Variants in HUWE1 observed in about 807,000 individuals in gnomAD.
The protein encoded by HUWE1 is E3 ubiquitin-protein ligase HUWE1.
HUWE1 carries 18 observed loss-of-function variants against 299.4 expected under a neutral mutation model. The ratio of observed to expected loss-of-function variants is 0.06; its 90% CI spans 0.04 to 0.09. HUWE1 has a LOEUF of 0.09. Ranked by LOEUF, HUWE1 falls within the 10% of genes least tolerant of loss-of-function variation. The probability of loss-of-function intolerance (pLI) is 1.00; values close to 1 mark genes in which losing one functional copy is unlikely to be tolerated. For missense variants in HUWE1, 1,832 were observed against 3,462.3 expected, an observed-to-expected ratio of 0.53 and a Z score of 11.82; for synonymous variants, 1,317 against 1,286.1, an observed-to-expected ratio of 1.02 and a Z score of -0.51.
chrX:53,532,911 GAACA>G lies in HUWE1; in HGVS notation c.*394_*397del, dbSNP rs1472300523. The G allele has an allele frequency of 9.0e-6, 1 of 110,837 alleles. No individual in the cohort carries two copies. The highest frequency in any genetic ancestry group is 2.8e-4 in the East Asian group (1 of 3,612). 9.1% of individuals were successfully genotyped at this position (110,837 alleles called of 1,213,427 possible). ...AAGCACAAATTAAGAAATGCAAACA[GAACA>G]AAAAAATATATATATATATAATTTT... is the stretch of plus-strand genomic sequence containing the variant. On this transcript the variant is annotated 3_prime_UTR_variant, in exon 84 of 84. Transcript: ENST00000262854.
At chrX:53,624,768 C>A in intron 18 of HUWE1, 93 bp from the exon 19 acceptor site, 1 of 626,409 alleles carries the variant, frequency 1.6e-6, no homozygotes, top group Non-Finnish European at 2.7e-6. Flanking sequence ...TATTATCACA[C>A]TGTGGTCCTC....
chrX:53,580,621 C>T (rs1428872631), intron 43 of HUWE1, among the ~76,000 whole-genome samples: 3 of 112,235 alleles, frequency 2.7e-5, no homozygotes, highest in African/African-American at 9.7e-5. Context: ...AATGAGTCCT[C>T]AGTGTCTCTG....
chrX:53,625,230 T>C lies in HUWE1; in HGVS notation c.1518A>G (p.Ala506=). The C allele has an allele frequency of 8.3e-7, 1 of 1,201,926 alleles. No homozygotes were observed. Among genetic ancestry groups the C allele is most frequent in the Non-Finnish European group, 1.1e-6 (1 of 886,479 alleles). ...DGVQCIPQRA[A]LLKSMLNFLK... ...GGAAATTCAACATGGATTTCAGAAG[T>C]GCTGCTCGTTGTGGAATACACTGGA... is the stretch of plus-strand genomic sequence containing the variant. Residue 506 remains alanine (A), a synonymous_variant, in exon 18 of 84, where the codon GCA becomes GCG. Coordinates refer to ENST00000262854, the MANE Select transcript of HUWE1 (RefSeq NM_031407.7).
chrX:53,563,140 T>C lies in HUWE1; in HGVS notation c.7106-211A>G, dbSNP rs782781584. The stretch of plus-strand genomic sequence containing the variant: ...CAGTTTCCTCATCTGTAAAACAGGA[T>C]GATCACATCTGCCCTGCCAATCCCA... On this transcript the variant is annotated intron_variant, in intron 52 of 83. Coordinates refer to ENST00000262854, the MANE Select transcript of HUWE1 (RefSeq NM_031407.7). 5.3e-5 allele frequency among the ~76,000 whole-genome samples: 6 copies of C among 112,456 alleles called. No homozygotes were observed. In the South Asian group the frequency reaches 1.5e-3, roughly 28 times the overall value.
At chrX:53,631,790 T>TTC in intron 9 of HUWE1, 176 bp from the exon 10 acceptor site, 3 of 446,604 alleles carry the variant, frequency 6.7e-6, no homozygotes, top group Non-Finnish European at 1.2e-5. Flanking sequence ...CCATCTTATA[T>TTC]GTAGAATATT....
intron 23 of HUWE1, among the ~76,000 whole-genome samples, chrX:53,609,552 G>A (rs782707814): frequency 1.8e-5 from 2 of 112,426 alleles, no homozygotes; most frequent in East Asian, 2.8e-4. Flanking sequence ...CAGGTCTTTT[G>A]TCTTTTCAGT....
chrX:53,650,435 G>A lies in HUWE1; in HGVS notation c.46-2125C>T, dbSNP rs979866085. ...ACTCTCTGGCACAAATATGTCTGAG[G>A]CATCTAAGGTGTGCTTGTGTTTTCT... On this transcript the variant is annotated intron_variant, in intron 4 of 83. Coordinates refer to ENST00000262854, the MANE Select transcript of HUWE1 (RefSeq NM_031407.7). Among the ~76,000 whole-genome samples the A allele has an allele frequency of 4.5e-5, 5 of 112,027 alleles. No homozygotes were observed. In the South Asian group the frequency reaches 1.5e-3, roughly 33 times the overall value.
At chrX:53,652,280 T>C (rs1405175984) in intron 4 of HUWE1, among the ~76,000 whole-genome samples, 3 of 112,108 alleles carry the variant, frequency 2.7e-5, no homozygotes, top group African/African-American at 9.7e-5. Context: ...AACATTCACC[T>C]ACATGTTCTA....
At chrX:53,655,167 T>C (rs1197434132) in intron 3 of HUWE1, among the ~76,000 whole-genome samples, 1 of 110,950 alleles carries the variant, frequency 9.0e-6, no homozygotes, top group East Asian at 2.8e-4. Context: ...TTGCAGGCTC[T>C]TTACACACAA....
chrX:53,674,814 C>T (rs1426718837), intron 3 of HUWE1, among the ~76,000 whole-genome samples: 1 of 111,761 alleles, frequency 8.9e-6, no homozygotes, highest in East Asian at 2.8e-4. Flanking sequence ...GCAATGACTA[C>T]GTCCTCAATA....
At chrX:53,537,163 G>A in intron 78 of HUWE1, 2 of 244,647 alleles carry the variant, frequency 8.2e-6, no homozygotes, top group Non-Finnish European at 7.4e-6. Context: ...CAGCTCCTAC[G>A]CTCAGTATTA....
Position 53,584,996 on chromosome X carries a change from G to T in HUWE1, c.5001+16C>A. ...GTGGTCCACGGGTTAGACAAGCTTG[G>T]TGAGTGAGCATGTACCTGCACCATT... On this transcript the variant is annotated intron_variant, in intron 40 of 83. Transcript: ENST00000262854. 8.3e-7 allele frequency: 1 copy of T among 1,210,935 alleles called. No individual in the cohort carries two copies. The highest frequency in any genetic ancestry group is 1.1e-6 in the Non-Finnish European group (1 of 894,720).
intron 55 of HUWE1, 104 bp downstream of exon 55, chrX:53,561,652 G>A: frequency 1.8e-6 from 2 of 1,123,842 alleles, no homozygotes; most frequent in South Asian, 3.8e-5. Flanking sequence ...CATAGGAAAA[G>A]AAGTGCTGTC....
In HUWE1 at chrX:53,628,579, G is replaced by C. The variant is rs368499515; in HGVS notation, c.1156C>G (p.Leu386Val). Residue 386 changes from leucine (L) to valine (V), a missense_variant, in exon 15 of 84, where the codon CTC becomes GTC. Physicochemically the swap from Leu to Val is conservative, Grantham distance 32. Around this residue, in one of 15 missense-constraint regions of HUWE1, gnomAD observed 658 missense variants for 1,282.6 expected, o/e 0.51. Transcript: ENST00000262854. Reference protein sequence around the residue: ...DPYPHQFATALFSFLYHLASY... With the variant: ...DPYPHQFATAVFSFLYHLASY... ...GCCAGATGGTATAAAAAAGAGAAGA[G>C]AGCAGTGGCAAACTGGTGAGGGTAT... 1 of 1,166,557 alleles carries C rather than the reference G, an allele frequency of 8.6e-7. No individual in the cohort carries two copies. Among genetic ancestry groups the C allele is most frequent in the Non-Finnish European group, 1.1e-6 (1 of 871,870 alleles).
chrX:53,561,816 C>T lies in HUWE1; in HGVS notation c.7447G>A (p.Glu2483Lys). The stretch of plus-strand genomic sequence containing the variant: ...AGATCATCCTCCCGGTCAAAGCGCT[C>T]AAATCGGACCAAGGGAGAAGCGTTC... ...DMNASPLVRF[E>K]RFDREDDLII... is the part of the protein sequence containing the mutation. The change falls in exon 55 of 84, where the codon GAG (glutamate) becomes AAG (lysine). Residue 2483 changes from glutamate to lysine, a missense_variant. By Grantham distance (56) the Glu-to-Lys change is moderately conservative (BLOSUM62 1). Transcript: ENST00000262854. The T allele has an allele frequency of 8.3e-7, 1 of 1,211,475 alleles. No individual in the cohort carries two copies. Among genetic ancestry groups the T allele is most frequent in the Non-Finnish European group, 1.1e-6 (1 of 895,445 alleles).
At chrX:53,625,908 G>A (rs1557017366) in intron 17 of HUWE1, 2 of 358,279 alleles carry the variant, frequency 5.6e-6, no homozygotes, top group Non-Finnish European at 1.1e-5. Flanking sequence ...GCCGGGACTG[G>A]GACCAGGGCT....
intron 23 of HUWE1, among the ~76,000 whole-genome samples, chrX:53,610,805 A>G (rs782104525): frequency 2.4e-4 from 27 of 111,644 alleles, no homozygotes; most frequent in Admixed American, 2.0e-3. Context: ...TTCAAGTTCT[A>G]AAGATGACAA....
chrX:53,556,090 G>A lies in HUWE1; in HGVS notation c.8207-1170C>T, dbSNP rs1556934416. 3 of 284,585 alleles carry A rather than the reference G, an allele frequency of 1.1e-5. No individual in the cohort carries two copies. In the Admixed American group the frequency reaches 1.4e-4, roughly 14 times the overall value. 23.5% of individuals were successfully genotyped at this position (284,585 alleles called of 1,213,427 possible). A position where few individuals can be genotyped will look rare whatever the true frequency, so the allele number is the denominator to read the frequency against. On this transcript the variant is annotated intron_variant, in intron 60 of 83. Transcript: ENST00000262854. ...ATATGCTCCAATTAATGAAAGACAA[G>A]TCACTTTATAATGACATCTGCCTCA...
chrX:53,631,873 T>G lies in HUWE1; in HGVS notation c.646-259A>C, dbSNP rs781791575. The G allele has an allele frequency of 1.5e-4, 58 of 386,305 alleles. No individual in the cohort carries two copies. In the South Asian group the frequency reaches 2.2e-3, roughly 14 times the overall value. The allele number at this position is 386,305 out of a possible 1,213,427, so 31.8% of individuals were successfully genotyped here. A position where few individuals can be genotyped will look rare whatever the true frequency, so the allele number is the denominator to read the frequency against. ...TAGCCAGGCACATTTCATATTCTTCTTTGTCCTTTTTTAACCCTCCACTGA... is the reference window on the plus strand; with the variant it reads ...TAGCCAGGCACATTTCATATTCTTCGTTGTCCTTTTTTAACCCTCCACTGA... On this transcript the variant is annotated intron_variant, in intron 9 of 83. Coordinates refer to ENST00000262854, the MANE Select transcript of HUWE1 (RefSeq NM_031407.7).
Sources: gnomAD v4.1 joint callset for allele counts (sites outside exome capture counted in the v4.1 genomes callset) on GRCh38, gnomAD v4.1.1 for gene constraint, gnomAD v4.1.1 regional missense constraint, MANE v1.5 for transcripts, NCBI Gene and HGNC (gene_info 2026-07-23, HGNC 2026-07-21) for gene names.